The following IL34 variants were observed in gnomAD, a reference collection of about 807,000 sequenced individuals.
The protein encoded by IL34 is interleukin 34, also known as interleukin-34.
IL34 carries 17 observed loss-of-function variants against 25.3 expected under a neutral mutation model. The observed-to-expected ratio is 0.67, with a 90% CI of 0.46 to 1.01. The LOEUF is 1.01. IL34 is among the 50% of genes least tolerant of loss of function. The pLI, the probability that IL34 is intolerant of heterozygous loss-of-function variation, is 0.00. For missense variants in IL34, 368 were observed against 312.9 expected (o/e 1.18, Z -1.33); for synonymous variants, 174 against 140.9 (o/e 1.23, Z -1.66).
rs554375573 is a variant in IL34, at chr16:70,591,104, C to G, written c.-401+11055C>G. 9.8e-5 allele frequency among the ~76,000 whole-genome samples: 15 copies of G among 152,372 alleles called. No homozygotes were observed. The South Asian group carries it at 2.7e-3, about 27-fold the overall frequency. On this transcript the variant is annotated intron_variant, in intron 1 of 6. Transcript: ENST00000429149. ...AGGCTCCGTGTCACTCAGTGCCTTC[C>G]TTCTCCTGCCATTCAACGAGACACT... is the stretch of plus-strand genomic sequence containing the variant.
intron 1 of IL34, among the ~76,000 whole-genome samples, chr16:70,628,633 C>T (rs967074798): frequency 5.9e-5 from 9 of 151,686 alleles, no homozygotes; most frequent in African/African-American, 1.4e-4. Flanking sequence ...ATTACAGGCA[C>T]CCGCCACCAT....
intron 4 of IL34, among the ~76,000 whole-genome samples, chr16:70,658,748 G>C (rs2052301246): frequency 6.6e-6 from 1 of 152,148 alleles, no homozygotes; most frequent in Non-Finnish European, 1.5e-5. Flanking sequence ...TGGGATTACA[G>C]GTTGAACCAC....
upstream of IL34, among the ~76,000 whole-genome samples, chr16:70,644,132 A>C (rs1324564322): frequency 6.6e-6 from 1 of 152,026 alleles, no homozygotes; most frequent in Non-Finnish European, 1.5e-5. Flanking sequence ...GCACCACCAC[A>C]CCTGGCTAAT....
chr16:70,641,504 CCTCT>C (rs61042157), intron 1 of IL34, among the ~76,000 whole-genome samples: 9,959 of 115,454 alleles, frequency 0.086, 1,427 homozygotes, highest in African/African-American at 0.36. Context: ...TCTTTCCCTC[CCTCT>C]CTCCCTCCCT....
intron 1 of IL34, among the ~76,000 whole-genome samples, chr16:70,591,409 G>A (rs143275501): frequency 1.6e-4 from 24 of 151,996 alleles, no homozygotes; most frequent in African/African-American, 5.8e-4. Context: ...AGTTTATCCA[G>A]AATGACCCAG....
chr16:70,623,206 G>C (rs1029352617), intron 1 of IL34, among the ~76,000 whole-genome samples: 1 of 152,096 alleles, frequency 6.6e-6, no homozygotes, highest in African/African-American at 2.4e-5. Flanking sequence ...ATGGGTGTCA[G>C]GGTCAGTCCA....
chr16:70,594,528 T>A (rs922379484), intron 1 of IL34, among the ~76,000 whole-genome samples: 1 of 152,218 alleles, frequency 6.6e-6, no homozygotes, highest in Non-Finnish European at 1.5e-5. Flanking sequence ...CAGTTACTGA[T>A]GCCTGGTTCT....
At chr16:70,612,139 T>C (rs971045120) in intron 1 of IL34, among the ~76,000 whole-genome samples, 1 of 152,224 alleles carries the variant, frequency 6.6e-6, no homozygotes, top group African/African-American at 2.4e-5. Flanking sequence ...AACAGGCCGA[T>C]AGGGGCTGTG....
intron 1 of IL34, among the ~76,000 whole-genome samples, chr16:70,581,750 T>C (rs1052874774): frequency 7.2e-5 from 11 of 152,276 alleles, no homozygotes; most frequent in African/African-American, 2.4e-4. Flanking sequence ...CGTAACTTCA[T>C]TGTGCCTCAG....
intron 1 of IL34, among the ~76,000 whole-genome samples, chr16:70,602,584 TG>T (rs375089102): frequency 0.07 from 1,925 of 27,380 alleles, 48 homozygotes; most frequent in African/African-American, 0.27. Context: ...TTGGAATTGA[TG>T]TGTGTGTGTG....
chr16:70,646,552 A>G (rs990961649), upstream of IL34: 11 of 233,784 alleles, frequency 4.7e-5, no homozygotes, highest in African/African-American at 6.8e-5. Context: ...TCCTAGAGCC[A>G]GATTTCACAC....
intron 1 of IL34, among the ~76,000 whole-genome samples, chr16:70,634,698 T>C (rs926604509): frequency 6.6e-6 from 1 of 151,508 alleles, no homozygotes; most frequent in Non-Finnish European, 1.5e-5. Context: ...AAAAAAAAAT[T>C]TCCAAAGTTC....
Position 70,646,930 on chromosome 16 carries a change from G to C in IL34, c.-18G>C. On this transcript the variant is annotated 5_prime_UTR_variant, in exon 1 of 6. Coordinates refer to ENST00000288098, the MANE Select transcript of IL34 (RefSeq NM_001393494.1). Reference sequence around the variant, plus strand: ...TGGGGACGGCGCCTGAGCTCTCAGGGGGACGAGGAACACCACCATGCCCCG... The same window carrying C: ...TGGGGACGGCGCCTGAGCTCTCAGGCGGACGAGGAACACCACCATGCCCCG... 2 of 1,479,948 alleles carry C rather than the reference G, an allele frequency of 1.4e-6. No individual in the cohort carries two copies. The highest frequency in any genetic ancestry group is 1.8e-6 in the Non-Finnish European group (2 of 1,120,224). The allele number at this position is 1,479,948 out of a possible 1,614,324, so 91.7% of individuals were successfully genotyped here.
chr16:70,633,380 A>G (rs572838150), intron 1 of IL34, among the ~76,000 whole-genome samples: 2 of 151,936 alleles, frequency 1.3e-5, no homozygotes, highest in South Asian at 4.2e-4. Context: ...CAGCCTCCTG[A>G]GTAGCTGGGA....
chr16:70,587,955 C>A (rs2050713777), intron 1 of IL34, among the ~76,000 whole-genome samples: 2 of 152,072 alleles, frequency 1.3e-5, no homozygotes, highest in Non-Finnish European at 2.9e-5. Context: ...ATGAGAATCA[C>A]TTGAACCCAG....
At chr16:70,648,123 T>G (rs1255545848) in intron 1 of IL34, among the ~76,000 whole-genome samples, 2 of 152,160 alleles carry the variant, frequency 1.3e-5, no homozygotes, top group Non-Finnish European at 2.9e-5. Context: ...CTGGAGGATT[T>G]GAGAGCCCGG....
At chr16:70,581,461 T>C (rs914883807) in intron 1 of IL34, among the ~76,000 whole-genome samples, 1 of 152,032 alleles carries the variant, frequency 6.6e-6, no homozygotes, top group Admixed American at 6.6e-5. Flanking sequence ...TTGGAGTGTA[T>C]TCTGCATCCA....
upstream of IL34, among the ~76,000 whole-genome samples, chr16:70,645,069 GAA>G (rs1483750223): frequency 3.4e-5 from 5 of 146,190 alleles, no homozygotes; most frequent in African/African-American, 1.3e-4. Flanking sequence ...GAAGGAAGGA[GAA>G]AGGAAGAGGG....
upstream of IL34, among the ~76,000 whole-genome samples, chr16:70,644,079 A>C (rs2051849294): frequency 6.6e-6 from 1 of 152,138 alleles, no homozygotes; most frequent in African/African-American, 2.4e-5. Flanking sequence ...GGTTCCAGTG[A>C]TTCTGCTGCC....
Sources: gnomAD v4.1 joint callset for allele counts (sites outside exome capture counted in the v4.1 genomes callset) on GRCh38, gnomAD v4.1.1 for gene constraint, MANE v1.5 for transcripts, NCBI Gene and HGNC (gene_info 2026-07-23, HGNC 2026-07-21) for gene names.